The following GUCY1A2 variants were observed in gnomAD, a reference collection of about 807,000 sequenced individuals.
GUCY1A2 encodes the protein guanylate cyclase soluble subunit alpha-2.
A neutral mutation model predicts 63.5 loss-of-function variants in GUCY1A2; 27 were observed. That is an observed-to-expected ratio of 0.43 (90% confidence interval 0.31 to 0.59). The LOEUF is 0.59. GUCY1A2 is among the 20% of genes least tolerant of loss of function. The pLI, the probability that GUCY1A2 is intolerant of heterozygous loss-of-function variation, is 0.11. For missense variants in GUCY1A2, 768 were observed against 913.3 expected (o/e 0.84, Z 2.05); for synonymous variants, 364 against 343.5 (o/e 1.06, Z -0.66).
At chr11:107,005,855 T>C (rs1365817383) in intron 1 of GUCY1A2, among the ~76,000 whole-genome samples, 1 of 152,166 alleles carries the variant, frequency 6.6e-6, no homozygotes, top group African/African-American at 2.4e-5. Context: ...GTTGGAAATA[T>C]TTCCCATAAA....
chr11:106,991,599 G>A (rs1172539663), intron 1 of GUCY1A2, among the ~76,000 whole-genome samples: 4 of 152,058 alleles, frequency 2.6e-5, no homozygotes, highest in Admixed American at 1.3e-4. Context: ...TGAATAAGTC[G>A]GCATTAATGA....
At chr11:106,915,818 G>A (rs1181176967) in intron 4 of GUCY1A2, among the ~76,000 whole-genome samples, 1 of 145,086 alleles carries the variant, frequency 6.9e-6, no homozygotes, top group Non-Finnish European at 1.5e-5. Context: ...TTGTTGGAAA[G>A]GCATTTGAGC....
At chr11:106,766,429 T>C (rs1284486452) in intron 6 of GUCY1A2, among the ~76,000 whole-genome samples, 1 of 152,098 alleles carries the variant, frequency 6.6e-6, no homozygotes, top group Non-Finnish European at 1.5e-5. Context: ...TGTGTTTGTA[T>C]TGAATGTTTG....
intron 4 of GUCY1A2, among the ~76,000 whole-genome samples, chr11:106,907,864 A>G (rs908568529): frequency 1.3e-5 from 2 of 152,076 alleles, no homozygotes; most frequent in Non-Finnish European, 2.9e-5. Flanking sequence ...CGCAATAAAC[A>G]TATGTGTGCA....
intron 4 of GUCY1A2, among the ~76,000 whole-genome samples, chr11:106,923,570 T>G (rs1435333775): frequency 1.3e-5 from 2 of 151,802 alleles, no homozygotes. Flanking sequence ...ACAAGTTTAA[T>G]GCAATATTGC....
intron 3 of GUCY1A2, among the ~76,000 whole-genome samples, chr11:106,958,198 A>G (rs1440765378): frequency 6.6e-6 from 1 of 152,170 alleles, no homozygotes; most frequent in Non-Finnish European, 1.5e-5. Context: ...TGAATACACC[A>G]TTTAGTATAA....
chr11:106,722,828 A>G (rs952508292), intron 6 of GUCY1A2, among the ~76,000 whole-genome samples: 6 of 151,372 alleles, frequency 4.0e-5, no homozygotes, highest in Non-Finnish European at 5.9e-5. Flanking sequence ...GTTGCACACA[A>G]TGTCAATTTT....
chr11:106,750,798 T>C lies in GUCY1A2; in HGVS notation c.1836+25641A>G, dbSNP rs186359996. On this transcript the variant is annotated intron_variant, in intron 6 of 7. Transcript: ENST00000526355. ...CTTAATTAGACATGCGATTTCCTTT[T>C]TTTTTTCTATAATATTTCTTTCTTT... Among the ~76,000 whole-genome samples, 39 of 152,160 alleles carry C rather than the reference T, an allele frequency of 2.6e-4. No individual in the cohort carries two copies. The East Asian group carries it at 7.1e-3, about 28-fold the overall frequency.
At chr11:106,858,417 T>C (rs1859466038) in intron 4 of GUCY1A2, among the ~76,000 whole-genome samples, 1 of 152,148 alleles carries the variant, frequency 6.6e-6, no homozygotes, top group African/African-American at 2.4e-5. Flanking sequence ...ATCATATATT[T>C]AGTGAGTTAT....
chr11:107,001,911 C>T (rs1000544522), intron 1 of GUCY1A2, among the ~76,000 whole-genome samples: 1 of 151,486 alleles, frequency 6.6e-6, no homozygotes, highest in Non-Finnish European at 1.5e-5. Flanking sequence ...CCCAGCTACT[C>T]GGGAGGCTGA....
At chr11:106,932,334 T>C (rs1860614599) in intron 4 of GUCY1A2, among the ~76,000 whole-genome samples, 1 of 152,102 alleles carries the variant, frequency 6.6e-6, no homozygotes, top group East Asian at 1.9e-4. Context: ...CCTCTTACTA[T>C]ACACAATAAA....
intron 5 of GUCY1A2, among the ~76,000 whole-genome samples, chr11:106,782,359 C>T (rs1462047489): frequency 1.3e-5 from 2 of 152,164 alleles, no homozygotes; most frequent in Admixed American, 1.3e-4. Flanking sequence ...TGTAGGCAGA[C>T]AGATATAGAT....
At chr11:107,016,572 C>A (rs1404589939) in intron 1 of GUCY1A2, among the ~76,000 whole-genome samples, 2 of 152,162 alleles carry the variant, frequency 1.3e-5, no homozygotes, top group African/African-American at 4.8e-5. Context: ...CCCAAGATGA[C>A]CACAAGTTTG....
chr11:106,955,990 C>A (rs1054520272), intron 3 of GUCY1A2, among the ~76,000 whole-genome samples: 1 of 151,784 alleles, frequency 6.6e-6, no homozygotes, highest in African/African-American at 2.4e-5. Context: ...AGACTTTGAT[C>A]ATTCTTTTTT....
At chr11:106,940,390 T>C (rs746411217) in intron 3 of GUCY1A2, among the ~76,000 whole-genome samples, 1 of 152,218 alleles carries the variant, frequency 6.6e-6, no homozygotes, top group Non-Finnish European at 1.5e-5. Flanking sequence ...AAAATGTTAA[T>C]GAACATGAAC....
chr11:106,844,319 G>T (rs1007639320), intron 4 of GUCY1A2, among the ~76,000 whole-genome samples: 3 of 151,736 alleles, frequency 2.0e-5, no homozygotes, highest in African/African-American at 4.8e-5. Flanking sequence ...TTTCTGAAGG[G>T]TTTTTTCCAT....
intron 3 of GUCY1A2, 62 bp downstream of exon 3, chr11:106,978,557 C>G: frequency 8.8e-7 from 1 of 1,140,672 alleles, no homozygotes; most frequent in South Asian, 1.5e-5. Flanking sequence ...GAAACACTTC[C>G]ACCTCGACTT....
chr11:106,764,739 A>G (rs1335595228), intron 6 of GUCY1A2, among the ~76,000 whole-genome samples: 1 of 151,898 alleles, frequency 6.6e-6, no homozygotes, highest in Non-Finnish European at 1.5e-5. Context: ...GTGAGAAGTA[A>G]CTCTTGTTAT....
At chr11:106,986,290 A>G (rs934018192) in intron 1 of GUCY1A2, among the ~76,000 whole-genome samples, 159 bp from the exon 2 acceptor site, 1 of 152,172 alleles carries the variant, frequency 6.6e-6, no homozygotes, top group Non-Finnish European at 1.5e-5. Context: ...TATTTTCCCC[A>G]CAGAAACTAA....
Sources: gnomAD v4.1 joint callset for allele counts (sites outside exome capture counted in the v4.1 genomes callset) on GRCh38, gnomAD v4.1.1 for gene constraint, MANE v1.5 for transcripts, NCBI Gene and HGNC (gene_info 2026-07-23, HGNC 2026-07-21) for gene names.